The following RAMACL variants were observed in gnomAD, a reference collection of about 807,000 sequenced individuals.
The protein encoded by RAMACL is RNA guanine-7 methyltransferase activating subunit like, also known as RNA guanine-N7 methyltransferase-activating subunit-like protein.
A neutral mutation model predicts 13.4 loss-of-function variants in RAMACL; 9 were observed. That is an observed-to-expected ratio of 0.67 (90% CI 0.41 to 1.17). The LOEUF is 1.17. RAMACL is among the 50% of genes most tolerant of loss of function. RAMACL has a pLI of 0.01. For synonymous variants in RAMACL, 39 were observed against 49.3 expected (o/e 0.79, Z 0.88); for missense variants, 124 against 141.6 (o/e 0.88, Z 0.63).
At chr6:166,584,047 C>T (rs376655499), downstream of RAMACL, among the ~76,000 whole-genome samples, 119 of 152,314 alleles carry the variant, frequency 7.8e-4, no homozygotes, top group African/African-American at 2.7e-3. Flanking sequence ...TTTAAAATGC[C>T]TTGGTGTGTT....
chr6:166,584,888 A>C (rs1268110898), downstream of RAMACL, among the ~76,000 whole-genome samples: 1 of 152,238 alleles, frequency 6.6e-6, no homozygotes, highest in Non-Finnish European at 1.5e-5. Flanking sequence ...CAGGGTTTAC[A>C]ATAACAACAT....
exon 1 of RAMACL, chr6:166,586,594 G>A: frequency 1.1e-6 from 1 of 927,134 alleles, no homozygotes; most frequent in Non-Finnish European, 1.6e-6. Flanking sequence ...ACACTGAGAA[G>A]CCCAGGAGAG....
chr6:166,584,784 C>T (rs1002149093), downstream of RAMACL, among the ~76,000 whole-genome samples: 1 of 152,208 alleles, frequency 6.6e-6, no homozygotes, highest in East Asian at 1.9e-4. Flanking sequence ...GCTCAGAAAG[C>T]GTTCCAATAG....
At chr6:166,583,746 G>A (rs1785090375), downstream of RAMACL, among the ~76,000 whole-genome samples, 2 of 152,216 alleles carry the variant, frequency 1.3e-5, no homozygotes, top group Non-Finnish European at 2.9e-5. Context: ...ATCTCACTTG[G>A]CTTGTTTCAG....
rs1043038365 is a variant in RAMACL at position 166,586,391 on chromosome 6, G to A, written c.87C>T (p.Tyr29=). The change falls in exon 1 of 1, where the codon TAC becomes TAT. Residue 29 remains tyrosine, a synonymous_variant. Transcript: ENST00000444122. ...GAGGAGACTCAGGAGGGCGTTTCAGGTATTCCTGATACTCCTTGTCATTTT... is the reference window on the plus strand; with the variant it reads ...GAGGAGACTCAGGAGGGCGTTTCAGATATTCCTGATACTCCTTGTCATTTT... 8.8e-6 allele frequency: 14 copies of A among 1,599,652 alleles called. No homozygotes were observed. The Admixed American group carries it at 2.2e-4, about 25-fold the overall frequency.
downstream of RAMACL, among the ~76,000 whole-genome samples, chr6:166,585,011 G>A (rs552441100): frequency 3.9e-5 from 6 of 152,378 alleles, no homozygotes; most frequent in Admixed American, 6.5e-5. Flanking sequence ...AGCAACTAGT[G>A]TGAGAAAACC....
chr6:166,586,114 AT>A, exon 1 of RAMACL: 1 of 1,416,260 alleles, frequency 7.1e-7, no homozygotes, highest in Non-Finnish European at 9.4e-7. Flanking sequence ...AGCTGCCAAC[AT>A]TTCTATCAGT....
At chr6:166,585,130 A>G (rs568184218), downstream of RAMACL, among the ~76,000 whole-genome samples, 3 of 152,240 alleles carry the variant, frequency 2.0e-5, no homozygotes, top group Admixed American at 6.5e-5. Context: ...AAAGAAGATC[A>G]TAAGTAACAC....
At chr6:166,586,270 T>C (rs1263193843) in exon 1 of RAMACL, 1 of 1,597,546 alleles carries the variant, frequency 6.3e-7, no homozygotes, top group African/African-American at 1.7e-5. Context: ...CACCCCCATC[T>C]GTTGTCCCTG....
In RAMACL at chr6:166,586,657, T is replaced by C. The variant is rs551298783; in HGVS notation, c.-180A>G. On this transcript the variant is annotated 5_prime_UTR_variant, in exon 1 of 1. Coordinates refer to ENST00000444122, the Ensembl canonical transcript of RAMACL. ...ACTCCAGACCACTCCAGTTCTCCAA[T>C]GTAACCGAGCGCCTTCCTCTCCAAA... 2.7e-3 allele frequency among the ~76,000 whole-genome samples: 332 copies of C among 124,750 alleles called. 86 individuals carry two copies. Among genetic ancestry groups the C allele is most frequent in the African/African-American group, 0.02 (322 of 15,878 alleles). The allele number at this position is 124,750 out of a possible 152,430, so 81.8% of individuals were successfully genotyped here. A position where few individuals can be genotyped will look rare whatever the true frequency, so the allele number is the denominator to read the frequency against.
exon 1 of RAMACL, among the ~76,000 whole-genome samples, chr6:166,585,865 A>G (rs1785154666): frequency 3.9e-5 from 1 of 25,968 alleles, no homozygotes; most frequent in African/African-American, 3.6e-4. Context: ...TAATATACCA[A>G]ACTTAAAGCA....
At chr6:166,583,719 T>C (rs1331347686), downstream of RAMACL, among the ~76,000 whole-genome samples, 3 of 152,210 alleles carry the variant, frequency 2.0e-5, no homozygotes, top group Non-Finnish European at 4.4e-5. Flanking sequence ...CTTTCTCCTC[T>C]GGATGGCAGA....
downstream of RAMACL, among the ~76,000 whole-genome samples, chr6:166,584,656 T>A (rs1258325480): frequency 6.6e-6 from 1 of 152,248 alleles, no homozygotes; most frequent in African/African-American, 2.4e-5. Flanking sequence ...GTCATTTCTA[T>A]CTGTGATTGT....
downstream of RAMACL, among the ~76,000 whole-genome samples, chr6:166,584,242 C>T (rs559444009): frequency 3.3e-5 from 5 of 152,234 alleles, no homozygotes; most frequent in South Asian, 2.1e-4. Flanking sequence ...AGCGCCCTTT[C>T]GTGGTGGAGC....
chr6:166,586,366 G>A, exon 1 of RAMACL: 1 of 1,599,518 alleles, frequency 6.3e-7, no homozygotes, highest in South Asian at 1.1e-5. Context: ...TCAACAATTG[G>A]AGGAGACTCA....
At chr6:166,585,258 G>A (rs76902170), downstream of RAMACL, among the ~76,000 whole-genome samples, 1,051 of 152,282 alleles carry the variant, frequency 6.9e-3, 8 homozygotes, top group African/African-American at 0.024. Flanking sequence ...TCGCTGGGAT[G>A]GACTTTCAGT....
chr6:166,586,571 C>A (rs1785181676), exon 1 of RAMACL: 22 of 1,237,904 alleles, frequency 1.8e-5, no homozygotes, highest in African/African-American at 2.5e-5. Flanking sequence ...TCAGGCCGAA[C>A]CCCGCCGGCG....
At chr6:166,583,587 C>T (rs1445920411), downstream of RAMACL, among the ~76,000 whole-genome samples, 3 of 152,302 alleles carry the variant, frequency 2.0e-5, no homozygotes, top group Middle Eastern at 3.4e-3. Flanking sequence ...AAAGGAGAGA[C>T]GCTCCTGATA....
downstream of RAMACL, among the ~76,000 whole-genome samples, chr6:166,584,682 A>G (rs1382489237): frequency 6.6e-6 from 1 of 152,206 alleles, no homozygotes; most frequent in Non-Finnish European, 1.5e-5. Context: ...TTTGCACTTT[A>G]TTTTATAGTA....
Sources: gnomAD v4.1 joint callset for allele counts (sites outside exome capture counted in the v4.1 genomes callset) on GRCh38, gnomAD v4.1.1 for gene constraint, MANE v1.5 for transcripts, NCBI Gene and HGNC (gene_info 2026-07-23, HGNC 2026-07-21) for gene names.